The following ROBO1 variants were observed in gnomAD, a reference collection of about 807,000 sequenced individuals.
ROBO1 encodes the protein roundabout homolog 1.
A neutral mutation model predicts 195.9 loss-of-function variants in ROBO1; 149 were observed. The ratio of observed to expected loss-of-function variants is 0.76; its 90% confidence interval spans 0.67 to 0.87. The LOEUF (loss-of-function observed/expected upper bound fraction) is 0.87. Among genes scored for constraint, ROBO1 ranks in the 40% least tolerant of loss-of-function variants. The pLI, the probability that ROBO1 is intolerant of heterozygous loss-of-function variation, is 0.00. For synonymous variants in ROBO1, 816 were observed against 733.2 expected (o/e 1.11, Z -1.82); for missense variants, 1,933 against 2,068.3 (o/e 0.93, Z 1.27).
chr3:79,337,727 T>C (rs1237992232), intron 2 of ROBO1, among the ~76,000 whole-genome samples: 1 of 152,188 alleles, frequency 6.6e-6, no homozygotes, highest in East Asian at 1.9e-4. Context: ...ACAAATTAAA[T>C]ATAAGCCAAT....
intron 18 of ROBO1, among the ~76,000 whole-genome samples, chr3:78,653,141 T>C (rs1382641557): frequency 6.6e-6 from 1 of 152,198 alleles, no homozygotes; most frequent in Non-Finnish European, 1.5e-5. Flanking sequence ...TCAGCATTGA[T>C]TTTGAATCTA....
chr3:79,242,707 G>A (rs2082542807), intron 2 of ROBO1, among the ~76,000 whole-genome samples: 1 of 152,208 alleles, frequency 6.6e-6, no homozygotes, highest in South Asian at 2.1e-4. Flanking sequence ...CCTGAAGCTG[G>A]TTAGCAGGGG....
At chr3:78,765,274 A>T (rs777267121) in intron 4 of ROBO1, among the ~76,000 whole-genome samples, 1 of 152,114 alleles carries the variant, frequency 6.6e-6, no homozygotes, top group Non-Finnish European at 1.5e-5. Flanking sequence ...AGTTTTGATT[A>T]TATTTACAAG....
chr3:79,608,576 TTCCTAAGATGA>T (rs1944560064), intron 1 of ROBO1, among the ~76,000 whole-genome samples: 1 of 151,926 alleles, frequency 6.6e-6, no homozygotes, highest in Non-Finnish European at 1.5e-5. Context: ...GAATAAGCAA[TTCCTAAGATGA>T]TACCTGCTCA....
At chr3:78,847,657 CAGTT>C (rs540507419) in intron 4 of ROBO1, among the ~76,000 whole-genome samples, 5 of 152,234 alleles carry the variant, frequency 3.3e-5, no homozygotes, top group South Asian at 2.1e-4. Flanking sequence ...CTTAACAACT[CAGTT>C]AGGTAGGTGA....
intron 2 of ROBO1, among the ~76,000 whole-genome samples, chr3:79,169,152 T>C (rs2081123509): frequency 6.6e-6 from 1 of 152,188 alleles, no homozygotes; most frequent in Non-Finnish European, 1.5e-5. Flanking sequence ...AAGTGGACTA[T>C]TGATGACTGG....
At chr3:79,236,507 T>C (rs2082409531) in intron 2 of ROBO1, among the ~76,000 whole-genome samples, 1 of 151,938 alleles carries the variant, frequency 6.6e-6, no homozygotes, top group South Asian at 2.1e-4. Context: ...CCAATAACAT[T>C]TTTTTTGACT....
intron 1 of ROBO1, among the ~76,000 whole-genome samples, chr3:79,620,998 C>G (rs887577148): frequency 6.6e-6 from 1 of 152,070 alleles, no homozygotes; most frequent in Non-Finnish European, 1.5e-5. Flanking sequence ...GGTGCCAAAC[C>G]CATATACTCT....
chr3:79,268,185 G>A (rs1294473527), intron 2 of ROBO1, among the ~76,000 whole-genome samples: 1 of 151,490 alleles, frequency 6.6e-6, no homozygotes, highest in Non-Finnish European at 1.5e-5. Flanking sequence ...TCACTTCATT[G>A]GAAGTAAGCC....
chr3:79,367,520 C>G (rs1413171764), intron 2 of ROBO1, among the ~76,000 whole-genome samples: 1 of 152,190 alleles, frequency 6.6e-6, no homozygotes, highest in Non-Finnish European at 1.5e-5. Flanking sequence ...AGAAGATCCC[C>G]CACACAGTTT....
chr3:79,608,015 A>G (rs971664230), intron 1 of ROBO1, among the ~76,000 whole-genome samples: 1 of 152,038 alleles, frequency 6.6e-6, no homozygotes, highest in Non-Finnish European at 1.5e-5. Context: ...TACATTGATC[A>G]ATTAGTACGA....
At chr3:79,616,748 T>C (rs1252712006) in intron 1 of ROBO1, among the ~76,000 whole-genome samples, 3 of 152,146 alleles carry the variant, frequency 2.0e-5, no homozygotes, top group Non-Finnish European at 4.4e-5. Flanking sequence ...CTTTTGGTAC[T>C]GGGAGTTGGC....
At chr3:79,126,751 G>T (rs1417457854) in intron 2 of ROBO1, among the ~76,000 whole-genome samples, 1 of 152,142 alleles carries the variant, frequency 6.6e-6, no homozygotes, top group Admixed American at 6.5e-5. Context: ...CTGAGCCAGT[G>T]AGTACATGCA....
chr3:79,073,186 G>C (rs998928216), intron 3 of ROBO1, among the ~76,000 whole-genome samples: 1 of 151,944 alleles, frequency 6.6e-6, no homozygotes, highest in Non-Finnish European at 1.5e-5. Context: ...AGCCCACCTG[G>C]TTTTAAAATA....
intron 3 of ROBO1, among the ~76,000 whole-genome samples, chr3:78,979,759 G>T (rs1197091750): frequency 6.6e-6 from 1 of 151,902 alleles, no homozygotes; most frequent in Non-Finnish European, 1.5e-5. Flanking sequence ...GAAACAAAAA[G>T]GTGGGAGGGG....
At chr3:78,863,428 T>A (rs949938122) in intron 4 of ROBO1, among the ~76,000 whole-genome samples, 1 of 152,126 alleles carries the variant, frequency 6.6e-6, no homozygotes, top group Non-Finnish European at 1.5e-5. Context: ...GGGGGAAATG[T>A]GCAAACTATG....
intron 1 of ROBO1, among the ~76,000 whole-genome samples, chr3:79,708,366 A>G (rs988406596): frequency 6.6e-6 from 1 of 152,204 alleles, no homozygotes; most frequent in African/African-American, 2.4e-5. Context: ...ATGTTTCAAC[A>G]TCAACTGCAT....
chr3:78,667,376 T>TCA (rs1707795382), intron 14 of ROBO1, among the ~76,000 whole-genome samples: 1 of 152,132 alleles, frequency 6.6e-6, no homozygotes, highest in South Asian at 2.1e-4. Flanking sequence ...AAATGGGGTA[T>TCA]CTATCACCTC....
chr3:79,646,988 TAGAC>T (rs920951997), intron 1 of ROBO1, among the ~76,000 whole-genome samples: 10 of 152,124 alleles, frequency 6.6e-5, no homozygotes, highest in East Asian at 1.9e-4. Flanking sequence ...GACCTGGTGT[TAGAC>T]AGATCAGTAG....
Sources: allele counts gnomAD v4.1 joint callset (sites outside exome capture counted in the v4.1 genomes callset), GRCh38; gene constraint gnomAD v4.1.1; transcripts MANE v1.5; gene names NCBI Gene and HGNC (gene_info 2026-07-23, HGNC 2026-07-21).